AK8: variants seen among roughly 807,000 people sequenced by gnomAD.
The protein encoded by AK8 is adenylate kinase 8.
A neutral mutation model predicts 54.6 loss-of-function variants in AK8; 44 were observed. The ratio of observed to expected loss-of-function variants is 0.81; its 90% confidence interval spans 0.63 to 1.04. The LOEUF (loss-of-function observed/expected upper bound fraction) is 1.04, where lower values mean the gene tolerates loss of function less well. AK8 is among the 50% of genes least tolerant of loss of function. AK8 has a pLI of 0.00. For synonymous variants in AK8, 239 were observed against 245.6 expected (o/e 0.97, Z 0.25); for missense variants, 555 against 613.6 (o/e 0.90, Z 1.01).
chr9:132,764,887 C>T (rs371081217), intron 11 of AK8, among the ~76,000 whole-genome samples: 14 of 152,196 alleles, frequency 9.2e-5, no homozygotes, highest in African/African-American at 2.9e-4. Context: ...AATACCAAGG[C>T]CAGACAAAGA....
chr9:132,846,752 T>C (rs962115012), intron 5 of AK8, among the ~76,000 whole-genome samples: 10 of 152,338 alleles, frequency 6.6e-5, no homozygotes, highest in African/African-American at 2.2e-4. Context: ...AGCACAGCCC[T>C]GGAGCCCCTG....
chr9:132,875,131 A>G lies in AK8; in HGVS notation c.153T>C (p.His51=), dbSNP rs367886281. ...AGTGCTCACCATTGTCGTTGTCTCTATGCAAGTGCTGGATCATGAAGGGGA... is the reference window on the plus strand; with the variant it reads ...AGTGCTCACCATTGTCGTTGTCTCTGTGCAAGTGCTGGATCATGAAGGGGA... The part of the protein sequence containing the change: ...DPIPFMIQHL[H]RDNDNVPRIV... The change falls in exon 2 of 13, where the codon CAT becomes CAC. Residue 51 remains histidine (H), a synonymous_variant. Coordinates refer to ENST00000298545, the MANE Select transcript of AK8 (RefSeq NM_152572.3). The G allele has an allele frequency of 6.2e-7, 1 of 1,614,164 alleles. No homozygotes were observed. The highest frequency in any genetic ancestry group is 8.5e-7 in the Non-Finnish European group (1 of 1,180,018).
At chr9:132,841,668 C>A (rs1049409457) in intron 5 of AK8, among the ~76,000 whole-genome samples, 2 of 152,198 alleles carry the variant, frequency 1.3e-5, no homozygotes, top group African/African-American at 4.8e-5. Context: ...TTCCTTCCTC[C>A]ATCTGGGCCT....
chr9:132,777,388 G>C (rs73546956), intron 11 of AK8, among the ~76,000 whole-genome samples: 97 of 152,278 alleles, frequency 6.4e-4, no homozygotes, highest in African/African-American at 2.0e-3. Context: ...GAGGTGCAGA[G>C]AAGCTAAGAA....
At chr9:132,854,791 T>G in intron 5 of AK8, 66 bp downstream of exon 5, 1 of 1,558,550 alleles carries the variant, frequency 6.4e-7, no homozygotes, top group Non-Finnish European at 8.8e-7. Context: ...GTCTTGGAGA[T>G]GAACACACGC....
intron 11 of AK8, among the ~76,000 whole-genome samples, chr9:132,786,004 GGAA>G (rs1311890482): frequency 6.6e-6 from 1 of 152,194 alleles, no homozygotes; most frequent in African/African-American, 2.4e-5. Context: ...GAAAGAACAG[GGAA>G]GAAGAAGGCA....
chr9:132,840,738 C>T (rs909196923), intron 5 of AK8, among the ~76,000 whole-genome samples: 1 of 152,100 alleles, frequency 6.6e-6, no homozygotes, highest in Non-Finnish European at 1.5e-5. Flanking sequence ...ACTAAAAATA[C>T]AAAAATTAGT....
At chr9:132,816,547 G>T (rs1288357827) in intron 9 of AK8, among the ~76,000 whole-genome samples, 2 of 152,056 alleles carry the variant, frequency 1.3e-5, no homozygotes, top group East Asian at 3.9e-4. Flanking sequence ...CCATTAAGGG[G>T]CAGAGCTGGG....
In AK8 at chr9:132,827,041, G is replaced by A. The variant is rs1207452077; in HGVS notation, c.570C>T (p.Thr190=). 6.2e-7 allele frequency: 1 copy of A among 1,614,056 alleles called. No individual in the cohort carries two copies. The highest frequency in any genetic ancestry group is 1.3e-5 in the African/African-American group (1 of 74,922). The change falls in exon 8 of 13, where the codon ACC becomes ACT. Residue 190 remains threonine (T), a synonymous_variant. Transcript: ENST00000298545. ...IDPQTGEIYH[T]TFDWPPESEI... Reference sequence around the variant, plus strand: ...CAGATTCGGGTGGCCAGTCAAAGGTGGTGTGATAAATCTCTACAAGGAGAG... The same window carrying A: ...CAGATTCGGGTGGCCAGTCAAAGGTAGTGTGATAAATCTCTACAAGGAGAG...
At position 132,814,554 on chromosome 9, in the gene AK8, C is replaced by A. The variant is rs1446123857; in HGVS notation, c.979+84G>T. On this transcript the variant is annotated intron_variant, in intron 10 of 12. Transcript: ENST00000298545. Reference sequence around the variant, plus strand: ...CCGGCTGTTCTCCCCAATTTTGAGCCCCTGAATGTTCAGAGAGCCGCACAA... The same window carrying A: ...CCGGCTGTTCTCCCCAATTTTGAGCACCTGAATGTTCAGAGAGCCGCACAA... The A allele has an allele frequency of 2.3e-6, 3 of 1,332,084 alleles. No individual in the cohort carries two copies. In the Admixed American group the frequency reaches 6.6e-5, roughly 29 times the overall value. The allele number at this position is 1,332,084 out of a possible 1,614,324, so 82.5% of individuals were successfully genotyped here.
At chr9:132,734,021 T>G (rs1836984079) in intron 11 of AK8, among the ~76,000 whole-genome samples, 1 of 152,134 alleles carries the variant, frequency 6.6e-6, no homozygotes, top group South Asian at 2.1e-4. Flanking sequence ...CCAGAGCTTA[T>G]TAACGACACA....
intron 11 of AK8, among the ~76,000 whole-genome samples, chr9:132,768,794 C>T (rs1261887079): frequency 6.6e-6 from 1 of 152,096 alleles, no homozygotes; most frequent in Non-Finnish European, 1.5e-5. Flanking sequence ...TATGCAAACA[C>T]CTAGTGAGCT....
At chr9:132,862,990 A>T (rs1843448543) in intron 4 of AK8, among the ~76,000 whole-genome samples, 1 of 152,216 alleles carries the variant, frequency 6.6e-6, no homozygotes, top group Non-Finnish European at 1.5e-5. Context: ...ATTTTGAAGA[A>T]ATATTTTGAG....
intron 5 of AK8, among the ~76,000 whole-genome samples, chr9:132,845,250 C>T (rs186471116): frequency 2.8e-4 from 42 of 152,308 alleles, no homozygotes; most frequent in Admixed American, 2.0e-3. Context: ...ATTATAAATA[C>T]TCAGTCAATA....
chr9:132,768,269 ATTT>A (rs34438042), intron 11 of AK8, among the ~76,000 whole-genome samples: 3 of 135,822 alleles, frequency 2.2e-5, no homozygotes, highest in Admixed American at 7.4e-5. Flanking sequence ...TAACTTTTTA[ATTT>A]TTTTTTTTTT....
intron 9 of AK8, among the ~76,000 whole-genome samples, chr9:132,821,262 G>A (rs2131283705): frequency 6.6e-6 from 1 of 151,838 alleles, no homozygotes; most frequent in Non-Finnish European, 1.5e-5. Context: ...CACCGCGAGT[G>A]CCCCTCCACG....
At chr9:132,767,424 T>C (rs1376432251) in intron 11 of AK8, among the ~76,000 whole-genome samples, 1 of 152,044 alleles carries the variant, frequency 6.6e-6, no homozygotes, top group Non-Finnish European at 1.5e-5. Context: ...CTCACCCCAG[T>C]TAAAATAGCT....
chr9:132,765,426 C>T (rs78337691), intron 11 of AK8, among the ~76,000 whole-genome samples: 3,161 of 151,488 alleles, frequency 0.021, 116 homozygotes, highest in African/African-American at 0.073. Context: ...AGAAACCACA[C>T]GATCATCTTA....
intron 8 of AK8, among the ~76,000 whole-genome samples, chr9:132,825,660 G>A (rs1043722581): frequency 7.9e-5 from 12 of 152,310 alleles, no homozygotes; most frequent in African/African-American, 2.2e-4. Flanking sequence ...GGCAAACACC[G>A]CATCTCCGAG....
Sources: allele counts gnomAD v4.1 joint callset (sites outside exome capture counted in the v4.1 genomes callset), GRCh38; gene constraint gnomAD v4.1.1; transcripts MANE v1.5; gene names NCBI Gene and HGNC (gene_info 2026-07-23, HGNC 2026-07-21).